STARD13: variants seen among roughly 807,000 people sequenced by gnomAD.
STARD13 encodes the protein StAR related lipid transfer domain containing 13.
Under a neutral mutation model 106.4 loss-of-function variants are expected in STARD13, and 62 were observed. The ratio of observed to expected loss-of-function variants is 0.58; its 90% CI spans 0.48 to 0.72. The LOEUF is 0.72. STARD13 is among the 30% of genes least tolerant of loss of function. STARD13 has a pLI of 0.00. For synonymous variants in STARD13, 565 were observed against 553.0 expected, an observed-to-expected ratio of 1.02 and a Z score of -0.31; for missense variants, 1,387 against 1,424.0, an observed-to-expected ratio of 0.97 and a Z score of 0.42.
chr13:33,321,935 A>G (rs1473052193), intron 1 of STARD13, among the ~76,000 whole-genome samples: 1 of 152,236 alleles, frequency 6.6e-6, no homozygotes, highest in Admixed American at 6.5e-5. Flanking sequence ...TGTTATCAAG[A>G]ATGCATAATT....
the STARD13 span, among the ~76,000 whole-genome samples, chr13:33,419,462 G>A: frequency 1.3e-5 from 2 of 152,124 alleles, no homozygotes; most frequent in Admixed American, 1.3e-4. Flanking sequence ...AGAAATACGC[G>A]ACTATGTGAA....
intron 1 of STARD13, among the ~76,000 whole-genome samples, chr13:33,223,660 A>AATAT (rs144165084): frequency 1.5e-3 from 226 of 149,464 alleles, no homozygotes; most frequent in Middle Eastern, 3.5e-3. Context: ...ACTCCATCTC[A>AATAT]ATATATATAT....
chr13:33,541,069 G>A, the STARD13 span, among the ~76,000 whole-genome samples: 2 of 152,166 alleles, frequency 1.3e-5, no homozygotes, highest in African/African-American at 4.8e-5. Context: ...TTTGAACTGT[G>A]AAGGGCTATG....
At chr13:33,190,768 C>A (rs1886199581) in intron 1 of STARD13, among the ~76,000 whole-genome samples, 1 of 151,764 alleles carries the variant, frequency 6.6e-6, no homozygotes, top group South Asian at 2.1e-4. Context: ...TGTATTTTAG[C>A]AGAGATGGAG....
At chr13:33,357,528 A>G in the STARD13 span, among the ~76,000 whole-genome samples, 19 of 152,228 alleles carry the variant, frequency 1.2e-4, no homozygotes, top group African/African-American at 3.6e-4. Context: ...ATTATTTAAC[A>G]TAACAAGCAC....
At chr13:33,670,468 A>G in the STARD13 span, among the ~76,000 whole-genome samples, 1 of 152,206 alleles carries the variant, frequency 6.6e-6, no homozygotes, top group Non-Finnish European at 1.5e-5. Flanking sequence ...TCACAAGTAC[A>G]AATTCTTCCA....
At chr13:33,165,074 T>C (rs1265101165) in intron 3 of STARD13, among the ~76,000 whole-genome samples, 2 of 152,148 alleles carry the variant, frequency 1.3e-5, no homozygotes, top group African/African-American at 4.8e-5. Context: ...CTTCTTTCTT[T>C]TTCTCACTCT....
At chr13:33,397,948 G>A in the STARD13 span, among the ~76,000 whole-genome samples, 1 of 152,176 alleles carries the variant, frequency 6.6e-6, no homozygotes, top group African/African-American at 2.4e-5. Context: ...CGACCCAAAG[G>A]TCGTATCTCC....
chr13:33,637,043 G>T, the STARD13 span, among the ~76,000 whole-genome samples: 6 of 152,170 alleles, frequency 3.9e-5, no homozygotes, highest in Non-Finnish European at 8.8e-5. Flanking sequence ...ATGAAGGAAT[G>T]AATAGTACCC....
At chr13:33,427,051 TAAC>T in the STARD13 span, among the ~76,000 whole-genome samples, 3 of 152,234 alleles carry the variant, frequency 2.0e-5, no homozygotes, top group Admixed American at 6.5e-5. Flanking sequence ...TTATCAATAA[TAAC>T]AATGCAAGTA....
At chr13:33,376,840 G>C in the STARD13 span, among the ~76,000 whole-genome samples, 1 of 152,146 alleles carries the variant, frequency 6.6e-6, no homozygotes, top group Non-Finnish European at 1.5e-5. Context: ...GAAGCACCAG[G>C]ACACTGCTCT....
chr13:33,176,543 C>T (rs537833556), intron 1 of STARD13, among the ~76,000 whole-genome samples: 5 of 152,132 alleles, frequency 3.3e-5, no homozygotes, highest in Non-Finnish European at 7.4e-5. Flanking sequence ...TAAAAGTCTG[C>T]TCTCTAAGGG....
the STARD13 span, among the ~76,000 whole-genome samples, chr13:33,579,498 G>A: frequency 1.6e-4 from 24 of 151,908 alleles, no homozygotes; most frequent in Non-Finnish European, 3.1e-4. Context: ...CAGAAGGAGG[G>A]TGATGGATAA....
chr13:33,276,345 T>G (rs1384202721), intron 1 of STARD13: 1 of 152,222 alleles, frequency 6.6e-6, no homozygotes, highest in Non-Finnish European at 1.5e-5. Context: ...ATGCATGTAG[T>G]GGGAAATGTG....
At chr13:33,122,919 G>T (rs571424525) in intron 7 of STARD13, among the ~76,000 whole-genome samples, 77 of 152,044 alleles carry the variant, frequency 5.1e-4, no homozygotes, top group Non-Finnish European at 9.4e-4. Flanking sequence ...GCTGGGTATG[G>T]TGGTGCGTGC....
At chr13:33,333,177 G>A (rs2077856782) in intron 1 of STARD13, among the ~76,000 whole-genome samples, 1 of 152,076 alleles carries the variant, frequency 6.6e-6, no homozygotes, top group Non-Finnish European at 1.5e-5. Context: ...ATCCTTTGAG[G>A]TCAGGAGTTC....
At chr13:33,640,205 T>G in the STARD13 span, among the ~76,000 whole-genome samples, 2 of 152,174 alleles carry the variant, frequency 1.3e-5, no homozygotes, top group South Asian at 4.1e-4. Flanking sequence ...ACACAGCAGG[T>G]TGTGGTGTGC....
At chr13:33,419,198 C>A in the STARD13 span, among the ~76,000 whole-genome samples, 1 of 152,086 alleles carries the variant, frequency 6.6e-6, no homozygotes, top group East Asian at 1.9e-4. Flanking sequence ...TAACCCATCA[C>A]AAGGAAGCTA....
rs1401018556 is a variant in STARD13, at chr13:33,106,922, A to G, written c.3060T>C (p.Thr1020=). Residue 1020 remains threonine, a synonymous_variant, in exon 13 of 14, where the codon ACT becomes ACC. Coordinates refer to ENST00000336934, the MANE Select transcript of STARD13 (RefSeq NM_178006.4). ...GGGTACACATTCCTTTGGGCAAATC[A>G]GTTTTCCAGGTCCTGTAGCAAAACA... ...RDFVVLRTWK[T]DLPKGMCTLV... is the part of the protein sequence containing the mutation. The G allele has an allele frequency of 1.2e-6, 2 of 1,612,624 alleles. No individual in the cohort carries two copies. Among genetic ancestry groups the G allele is most frequent in the African/African-American group, 2.7e-5 (2 of 74,902 alleles).
Sources: allele counts gnomAD v4.1 joint callset (sites outside exome capture counted in the v4.1 genomes callset), GRCh38; gene constraint gnomAD v4.1.1; transcripts MANE v1.5; gene names NCBI Gene and HGNC (gene_info 2026-07-23, HGNC 2026-07-21).